The following GRM7 variants were observed in gnomAD, a reference collection of about 807,000 sequenced individuals.
GRM7 encodes the protein metabotropic glutamate receptor 7.
A neutral mutation model predicts 84.5 loss-of-function variants in GRM7; 35 were observed. The ratio of observed to expected loss-of-function variants is 0.41; its 90% CI spans 0.32 to 0.55. GRM7 has a LOEUF of 0.55. Among genes scored for constraint, GRM7 ranks in the 20% least tolerant of loss-of-function variants. The probability of loss-of-function intolerance (pLI) is 0.19; values close to 1 mark genes in which losing one functional copy is unlikely to be tolerated. For missense variants in GRM7, 1,003 were observed against 1,194.6 expected (o/e 0.84, Z 2.36); for synonymous variants, 487 against 455.1 (o/e 1.07, Z -0.89).
chr3:7,422,469 C>T (rs1446420693), intron 5 of GRM7, among the ~76,000 whole-genome samples: 1 of 152,098 alleles, frequency 6.6e-6, no homozygotes, highest in African/African-American at 2.4e-5. Context: ...TACTGACCGG[C>T]TCTGCAGAGC....
Position 6,861,373 on chromosome 3 carries a change from C to A in GRM7, c.-16C>A. The A allele has an allele frequency of 6.7e-7, 1 of 1,501,918 alleles. No homozygotes were observed. Among genetic ancestry groups the A allele is most frequent in the Admixed American group, 2.6e-5 (1 of 38,944 alleles). The allele number at this position is 1,501,918 out of a possible 1,614,324, so 93.0% of individuals were successfully genotyped here. ...CCCTCCAGCGCCGCCGCCGCCACCG[C>A]AGCAGCCGGAGCAGCATGGTCCAGC... is the stretch of plus-strand genomic sequence containing the variant. On this transcript the variant is annotated 5_prime_UTR_variant, in exon 1 of 10. Transcript: ENST00000357716. The surrounding 1 kb of genome is among the most constrained non-coding windows in gnomAD (Gnocchi z 6.4).
At chr3:7,367,600 G>A (rs1575228460) in intron 4 of GRM7, among the ~76,000 whole-genome samples, 3 of 151,706 alleles carry the variant, frequency 2.0e-5, no homozygotes. Context: ...AAACATGGGA[G>A]GGTTGAGGGC....
chr3:7,135,695 AT>A (rs746958445), intron 1 of GRM7, among the ~76,000 whole-genome samples: 2 of 152,006 alleles, frequency 1.3e-5, no homozygotes, highest in Non-Finnish European at 2.9e-5. Flanking sequence ...ATATAAAAAA[AT>A]ATACTGAGAA....
At chr3:7,204,131 G>A (rs562995376) in intron 2 of GRM7, among the ~76,000 whole-genome samples, 31 of 152,062 alleles carry the variant, frequency 2.0e-4, no homozygotes, top group Middle Eastern at 6.8e-3. Flanking sequence ...GGTGTGGACC[G>A]AGGTCAGATC....
chr3:7,440,773 G>T (rs562098683), intron 5 of GRM7, among the ~76,000 whole-genome samples: 2 of 152,226 alleles, frequency 1.3e-5, no homozygotes, highest in South Asian at 4.1e-4. Context: ...GTTTTAGTGT[G>T]CTTAGAATAG....
At chr3:6,870,186 G>T (rs1183443983) in intron 1 of GRM7, among the ~76,000 whole-genome samples, 3 of 152,162 alleles carry the variant, frequency 2.0e-5, no homozygotes, top group Non-Finnish European at 4.4e-5. Flanking sequence ...AAAGAATGTG[G>T]AACTTGCTGA....
At chr3:6,889,013 C>T (rs1342658113) in intron 1 of GRM7, among the ~76,000 whole-genome samples, 4 of 152,114 alleles carry the variant, frequency 2.6e-5, no homozygotes, top group African/African-American at 9.7e-5. Flanking sequence ...GGAGTTCACT[C>T]ATGATTTGGC....
At chr3:7,312,483 G>A (rs1405855738) in intron 4 of GRM7, among the ~76,000 whole-genome samples, 1 of 152,114 alleles carries the variant, frequency 6.6e-6, no homozygotes, top group African/African-American at 2.4e-5. Flanking sequence ...GCTTGGTAGG[G>A]TCGAGTGATA....
chr3:7,679,991 C>T (rs1042342992), intron 8 of GRM7, 58 bp from the exon 9 acceptor site: 40 of 1,556,998 alleles, frequency 2.6e-5, no homozygotes, highest in Non-Finnish European at 3.4e-5. Flanking sequence ...TTTAAGTGTT[C>T]AGACCCCTAC....
intron 7 of GRM7, among the ~76,000 whole-genome samples, chr3:7,552,314 G>A (rs1354040548): frequency 3.9e-5 from 6 of 152,098 alleles, no homozygotes; most frequent in East Asian, 1.9e-4. Flanking sequence ...TGCTTTCATC[G>A]GCTGGTGTTG....
At chr3:7,615,811 G>C (rs1697053217) in intron 8 of GRM7, among the ~76,000 whole-genome samples, 1 of 151,978 alleles carries the variant, frequency 6.6e-6, no homozygotes, top group Admixed American at 6.6e-5. Context: ...CCTTTTCCCT[G>C]TAATTCTTTT....
chr3:6,888,619 G>A (rs1195120667), intron 1 of GRM7, among the ~76,000 whole-genome samples: 1 of 152,114 alleles, frequency 6.6e-6, no homozygotes, highest in Non-Finnish European at 1.5e-5. Context: ...GTACCATGCT[G>A]TTTTGGTTAC....
intron 8 of GRM7, among the ~76,000 whole-genome samples, chr3:7,629,951 A>C (rs1290749534): frequency 6.6e-6 from 1 of 152,154 alleles, no homozygotes; most frequent in Admixed American, 6.6e-5. Flanking sequence ...TTGCTTTCAT[A>C]TTTTGTAACA....
At chr3:7,337,965 G>C (rs1049127683) in intron 4 of GRM7, among the ~76,000 whole-genome samples, 2 of 151,680 alleles carry the variant, frequency 1.3e-5, no homozygotes, top group African/African-American at 4.8e-5. Context: ...GTTTATAGTA[G>C]CAAAATTCAT....
chr3:7,552,716 C>T (rs1693543564), intron 7 of GRM7, among the ~76,000 whole-genome samples: 1 of 152,218 alleles, frequency 6.6e-6, no homozygotes, highest in Admixed American at 6.5e-5. Context: ...AGCTGGGATG[C>T]AGGGCACCAA....
chr3:7,582,001 G>A lies in GRM7; in HGVS notation c.2451+2644G>A, dbSNP rs556269872. Reference sequence around the variant, plus strand: ...AGCATCTTGCCATGTGGCCAGGGATGGAAGTGGTGAACTTTAACCACAAGA... The same window carrying A: ...AGCATCTTGCCATGTGGCCAGGGATAGAAGTGGTGAACTTTAACCACAAGA... On this transcript the variant is annotated intron_variant, in intron 8 of 9. Transcript: ENST00000357716. Among the ~76,000 whole-genome samples the A allele has an allele frequency of 5.9e-5, 9 of 152,266 alleles. No individual in the cohort carries two copies. In the South Asian group the frequency reaches 1.5e-3, roughly 25 times the overall value.
At chr3:7,104,065 T>C (rs1227145134) in intron 1 of GRM7, among the ~76,000 whole-genome samples, 1 of 151,426 alleles carries the variant, frequency 6.6e-6, no homozygotes, top group Non-Finnish European at 1.5e-5. Context: ...GGGAGATAAT[T>C]AGGTCTAAAT....
intron 7 of GRM7, among the ~76,000 whole-genome samples, chr3:7,490,659 T>C (rs1045689886): frequency 1.2e-4 from 19 of 152,200 alleles, no homozygotes; most frequent in Admixed American, 9.8e-4. Flanking sequence ...TGAAGTTGAA[T>C]GTCTTATACA....
At chr3:7,354,110 T>C (rs1227730658) in intron 4 of GRM7, among the ~76,000 whole-genome samples, 1 of 152,108 alleles carries the variant, frequency 6.6e-6, no homozygotes, top group Non-Finnish European at 1.5e-5. Flanking sequence ...TTGAGAAAAG[T>C]CCTTTGTATA....
Sources: gnomAD v4.1 joint callset for allele counts (sites outside exome capture counted in the v4.1 genomes callset) on GRCh38, gnomAD v4.1.1 for gene constraint, Gnocchi (gnomAD v3.1) non-coding constraint, MANE v1.5 for transcripts, NCBI Gene and HGNC (gene_info 2026-07-23, HGNC 2026-07-21) for gene names.